FRMD3: variants seen among roughly 807,000 people sequenced by gnomAD.
FRMD3 encodes the protein FERM domain containing 3.
FRMD3 carries 33 observed loss-of-function variants against 70.2 expected under a neutral mutation model. The observed-to-expected ratio is 0.47, with a 90% CI of 0.36 to 0.63. The LOEUF (loss-of-function observed/expected upper bound fraction) is 0.63, where lower values mean the gene tolerates loss of function less well. Ranked by LOEUF, FRMD3 falls within the 20% of genes least tolerant of loss-of-function variation. The probability of loss-of-function intolerance (pLI) is 0.00; values close to 1 mark genes in which losing one functional copy is unlikely to be tolerated. For synonymous variants in FRMD3, 279 were observed against 255.9 expected, an observed-to-expected ratio of 1.09 and a Z score of -0.86; for missense variants, 632 against 711.4, an observed-to-expected ratio of 0.89 and a Z score of 1.27.
intron 1 of FRMD3, among the ~76,000 whole-genome samples, chr9:83,439,309 T>C (rs968715108): frequency 3.9e-5 from 6 of 152,242 alleles, no homozygotes; most frequent in African/African-American, 9.6e-5. Flanking sequence ...TAACAACCCA[T>C]GACCAATGGC....
At chr9:83,498,500 T>C (rs928413400) in intron 1 of FRMD3, among the ~76,000 whole-genome samples, 1 of 152,178 alleles carries the variant, frequency 6.6e-6, no homozygotes, top group Non-Finnish European at 1.5e-5. Flanking sequence ...GTTCATGTGC[T>C]CCCCTACACT....
chr9:83,522,764 G>A (rs572862321), intron 1 of FRMD3, among the ~76,000 whole-genome samples: 3 of 151,864 alleles, frequency 2.0e-5, no homozygotes, highest in Admixed American at 6.6e-5. Context: ...GGGGTTTCAC[G>A]GTGCTAGCCA....
At chr9:83,479,290 A>C (rs1828472573) in intron 1 of FRMD3, among the ~76,000 whole-genome samples, 1 of 146,850 alleles carries the variant, frequency 6.8e-6, no homozygotes, top group African/African-American at 2.6e-5. Flanking sequence ...TCTCTAAAAG[A>C]AGAAGAAGAA....
chr9:83,264,594 CTTTTAA>C (rs1385410057), intron 13 of FRMD3, among the ~76,000 whole-genome samples: 24 of 152,038 alleles, frequency 1.6e-4, no homozygotes, highest in Non-Finnish European at 3.4e-4. Context: ...CTATGCCTTC[CTTTTAA>C]TTTTACTGTG....
the FRMD3 span, among the ~76,000 whole-genome samples, chr9:83,552,150 C>T: frequency 6.6e-6 from 1 of 152,126 alleles, no homozygotes. Context: ...TAGCTGTGTC[C>T]CACAGATTCT....
At chr9:83,502,436 T>C (rs1034626500) in intron 1 of FRMD3, among the ~76,000 whole-genome samples, 2 of 152,224 alleles carry the variant, frequency 1.3e-5, no homozygotes, top group African/African-American at 4.8e-5. Context: ...AATCACCATA[T>C]TTTATGAAAA....
At chr9:83,357,242 CATACAT>C (rs1457399482) in intron 3 of FRMD3, among the ~76,000 whole-genome samples, 1,195 of 13,204 alleles carry the variant, frequency 0.091, 197 homozygotes, top group Middle Eastern at 0.17. Flanking sequence ...ATATATAATA[CATACAT>C]ATATATATAT....
intron 2 of FRMD3, among the ~76,000 whole-genome samples, chr9:83,382,723 T>C (rs1181490178): frequency 1.3e-5 from 2 of 152,180 alleles, no homozygotes; most frequent in African/African-American, 4.8e-5. Context: ...TGTTTCTCTC[T>C]GCACATTCTT....
At chr9:83,296,290 A>G (rs763283762) in intron 12 of FRMD3, among the ~76,000 whole-genome samples, 3 of 152,184 alleles carry the variant, frequency 2.0e-5, no homozygotes, top group Non-Finnish European at 4.4e-5. Context: ...TTTGACCACA[A>G]TGCTGTCTCT....
At chr9:83,461,892 G>T (rs1827986738) in intron 1 of FRMD3, among the ~76,000 whole-genome samples, 1 of 151,630 alleles carries the variant, frequency 6.6e-6, no homozygotes, top group South Asian at 2.1e-4. Flanking sequence ...TCGCCATGTT[G>T]GACAGTCTGG....
At chr9:83,279,929 C>G (rs1278701074) in intron 13 of FRMD3, among the ~76,000 whole-genome samples, 1 of 152,154 alleles carries the variant, frequency 6.6e-6, no homozygotes, top group Non-Finnish European at 1.5e-5. Flanking sequence ...AACAAACATG[C>G]ACGTTCTGTA....
intron 1 of FRMD3, among the ~76,000 whole-genome samples, chr9:83,456,367 C>T (rs1188911360): frequency 6.6e-6 from 1 of 152,108 alleles, no homozygotes; most frequent in Non-Finnish European, 1.5e-5. Flanking sequence ...GCTGTGAAGC[C>T]TCCCTGTATA....
In FRMD3 at chr9:83,297,723, T is replaced by C. The variant is rs955861435; in HGVS notation, c.1070+1025A>G. 1.7e-5 allele frequency: 8 copies of C among 471,602 alleles called. 1 individual carries two copies. The Admixed American group carries it at 1.9e-4, about 11-fold the overall frequency. 29.2% of individuals were successfully genotyped at this position (471,602 alleles called of 1,614,324 possible). A position where few individuals can be genotyped will look rare whatever the true frequency, so the allele number is the denominator to read the frequency against. On this transcript the variant is annotated intron_variant, in intron 12 of 13. Transcript: ENST00000304195. ...TTCTCTCATCCTGTAGTCTTCTGCT[T>C]CTTACAGTGTGATAGCCTGGTTTTG...
chr9:83,376,257 C>T (rs1486984849), intron 2 of FRMD3, among the ~76,000 whole-genome samples: 4 of 150,818 alleles, frequency 2.7e-5, no homozygotes, highest in African/African-American at 9.8e-5. Context: ...CAAAGAGGTA[C>T]CCAACAAGAA....
intron 2 of FRMD3, among the ~76,000 whole-genome samples, chr9:83,379,611 T>A (rs1443060035): frequency 1.3e-5 from 2 of 152,156 alleles, no homozygotes; most frequent in Non-Finnish European, 2.9e-5. Flanking sequence ...ACCAGTGGAT[T>A]CACCCCTTAG....
At chr9:83,298,409 A>C (rs920851809) in intron 12 of FRMD3, among the ~76,000 whole-genome samples, 5 of 152,224 alleles carry the variant, frequency 3.3e-5, no homozygotes, top group Non-Finnish European at 2.9e-5. Flanking sequence ...TGATGAATAC[A>C]GGCAGGAACA....
rs566196756 is a variant in FRMD3 at position 83,346,825 on chromosome 9, G to C, written c.374+2854C>G. The stretch of plus-strand genomic sequence containing the variant: ...TCAGTAGGTCTTGGACAGACACCAA[G>C]AATCTGCATTTATAACAAGTTCCCA... On this transcript the variant is annotated intron_variant, in intron 4 of 13. Transcript: ENST00000304195. Among the ~76,000 whole-genome samples the C allele has an allele frequency of 1.4e-3, 214 of 152,316 alleles. 2 individuals are homozygous for C. Among genetic ancestry groups the C allele is most frequent in the African/African-American group, 4.9e-3 (203 of 41,578 alleles).
chr9:83,345,479 C>T lies in FRMD3; in HGVS notation c.375-2192G>A, dbSNP rs187949372. 4.8e-4 allele frequency among the ~76,000 whole-genome samples: 73 copies of T among 152,072 alleles called. 1 individual carries two copies. The East Asian group carries it at 0.013, about 27-fold the overall frequency. ...TATTTCTAATAAGCTCCAGGGGGGC[C>T]GGGCATGGTGGCTCAAGCCTGTAAT... On this transcript the variant is annotated intron_variant, in intron 4 of 13. Transcript: ENST00000304195.
intron 2 of FRMD3, among the ~76,000 whole-genome samples, chr9:83,385,206 C>T (rs76413872): frequency 6.6e-6 from 1 of 151,634 alleles, no homozygotes; most frequent in Non-Finnish European, 1.5e-5. Flanking sequence ...AAAATCTAAA[C>T]TTAAGCCAAG....
Sources: gnomAD v4.1 joint callset for allele counts (sites outside exome capture counted in the v4.1 genomes callset) on GRCh38, gnomAD v4.1.1 for gene constraint, MANE v1.5 for transcripts, NCBI Gene and HGNC (gene_info 2026-07-23, HGNC 2026-07-21) for gene names.